Variants in SLC27A6 observed in about 807,000 individuals in gnomAD.
The protein encoded by SLC27A6 is solute carrier family 27 member 6, also known as long-chain fatty acid transport protein 6.
In SLC27A6, 74 loss-of-function variants were observed where a neutral mutation model predicts 63.9. The ratio of observed to expected loss-of-function variants is 1.16; its 90% CI spans 0.96 to 1.40. SLC27A6 has a LOEUF of 1.40. Among genes scored for constraint, SLC27A6 ranks in the 40% most tolerant of loss-of-function variants. The pLI is 0.00. For synonymous variants in SLC27A6, 287 were observed against 260.8 expected, an observed-to-expected ratio of 1.10 and a Z score of -0.97; for missense variants, 794 against 732.9, an observed-to-expected ratio of 1.08 and a Z score of -0.96.
At chr5:129,017,169 C>T (rs532482647) in intron 5 of SLC27A6, among the ~76,000 whole-genome samples, 3 of 152,128 alleles carry the variant, frequency 2.0e-5, no homozygotes, top group East Asian at 1.9e-4. Flanking sequence ...ACTTTTGAAA[C>T]GTTTACAAAA....
intron 8 of SLC27A6, 73 bp downstream of exon 8, chr5:129,028,515 C>A: frequency 2.3e-6 from 2 of 865,222 alleles, no homozygotes; most frequent in Non-Finnish European, 3.7e-6. Context: ...TTGCAACAGT[C>A]TTGCTAATTC....
chr5:129,028,297 T>C, intron 7 of SLC27A6, 48 bp from the exon 8 acceptor site: 1 of 1,292,796 alleles, frequency 7.7e-7, no homozygotes, highest in Non-Finnish European at 1.1e-6. Context: ...GGGTACCTAG[T>C]TTTTCAAATA....
chr5:128,971,156 C>T (rs1280685735), intron 1 of SLC27A6, among the ~76,000 whole-genome samples: 1 of 152,132 alleles, frequency 6.6e-6, no homozygotes, highest in Non-Finnish European at 1.5e-5. Context: ...TTTACATTTG[C>T]TGAGGAGTGC....
At chr5:129,031,431 TGG>T (rs1391959564) in intron 9 of SLC27A6, among the ~76,000 whole-genome samples, 1 of 151,984 alleles carries the variant, frequency 6.6e-6, no homozygotes, top group Non-Finnish European at 1.5e-5. Flanking sequence ...TCAGTGTGGC[TGG>T]GATAAAACGA....
At chr5:128,981,817 C>CTTTTCTTTTCTTTTTT (rs761984176) in intron 1 of SLC27A6, among the ~76,000 whole-genome samples, 1 of 146,392 alleles carries the variant, frequency 6.8e-6, no homozygotes, top group Non-Finnish European at 1.5e-5. Flanking sequence ...CTTTTCTTTT[C>CTTTTCTTTTCTTTTTT]TTTTTTTTTT....
Position 129,027,324 on chromosome 5 carries a change from A to G in SLC27A6, c.1447A>G (p.Thr483Ala), listed in dbSNP as rs749635811. 1.4e-5 allele frequency: 23 copies of G among 1,608,358 alleles called. No homozygotes were observed. The South Asian group carries it at 2.0e-4, about 14-fold the overall frequency. The change falls in exon 7 of 10, where the codon ACT (threonine) becomes GCT (alanine). Residue 483 changes from threonine to alanine, a missense_variant. By Grantham distance (58) the Thr-to-Ala change is moderately conservative. Coordinates refer to ENST00000262462, the MANE Select transcript of SLC27A6 (RefSeq NM_001017372.3). Reference protein sequence around the residue: ...FLYFWDRTGDTFRWKGENVAT... With the variant: ...FLYFWDRTGDAFRWKGENVAT... ...TTATTTTTGGGACCGTACTGGAGAC[A>G]CTTTCAGGTATGAAATGTTATGGGA...
intron 4 of SLC27A6, among the ~76,000 whole-genome samples, chr5:128,998,235 T>G (rs539069717): frequency 6.6e-6 from 1 of 151,844 alleles, no homozygotes; most frequent in Non-Finnish European, 1.5e-5. Flanking sequence ...GAAGCTGCAG[T>G]GAGCTATGAT....
rs955883965 is a variant in SLC27A6, at chr5:129,033,329, A to G, written c.*47A>G. The G allele has an allele frequency of 4.5e-5, 53 of 1,174,862 alleles. No individual in the cohort carries two copies. The highest frequency in any genetic ancestry group is 4.8e-6 in the Non-Finnish European group (4 of 832,632). The allele number at this position is 1,174,862 out of a possible 1,614,324, so 72.8% of individuals were successfully genotyped here. A position where few individuals can be genotyped will look rare whatever the true frequency, so the allele number is the denominator to read the frequency against. On this transcript the variant is annotated 3_prime_UTR_variant, in exon 10 of 10. Transcript: ENST00000262462. ...CATATGCTTTCTTAGGAAGAGTGAG[A>G]GGGGGGTATATGATTCTTTATGAAA... is the stretch of plus-strand genomic sequence containing the variant.
Position 128,973,586 on chromosome 5 carries a change from G to A in SLC27A6, c.481+6968G>A, listed in dbSNP as rs190948403. On this transcript the variant is annotated intron_variant, in intron 1 of 9. Coordinates refer to ENST00000262462, the MANE Select transcript of SLC27A6 (RefSeq NM_001017372.3). ...GTGTGGGACCCACCAAGCCAGGCACGGGATATAGTTTCCTGGTGTGCTGTT... is the reference window on the plus strand; with the variant it reads ...GTGTGGGACCCACCAAGCCAGGCACAGGATATAGTTTCCTGGTGTGCTGTT... Among the ~76,000 whole-genome samples, 173 of 152,310 alleles carry A rather than the reference G, an allele frequency of 1.1e-3. No homozygotes were observed. In the East Asian group the frequency reaches 0.021, roughly 19 times the overall value.
At chr5:129,003,000 G>A (rs1002452983) in intron 4 of SLC27A6, among the ~76,000 whole-genome samples, 1 of 152,096 alleles carries the variant, frequency 6.6e-6, no homozygotes, top group Non-Finnish European at 1.5e-5. Context: ...TTATTTCTAT[G>A]TGCACCCGAG....
chr5:129,027,513 T>C (rs1752284988), intron 7 of SLC27A6, among the ~76,000 whole-genome samples, 182 bp downstream of exon 7: 1 of 152,116 alleles, frequency 6.6e-6, no homozygotes, highest in Non-Finnish European at 1.5e-5. Flanking sequence ...TAAATTTTGA[T>C]GTAAAGTTTT....
chr5:129,030,153 TCC>T, intron 9 of SLC27A6, among the ~76,000 whole-genome samples: 1 of 151,886 alleles, frequency 6.6e-6, no homozygotes, highest in Non-Finnish European at 1.5e-5. Context: ...CTGTCCAAAT[TCC>T]CCCTCACCTG....
At position 129,033,455 on chromosome 5, in the gene SLC27A6, A is replaced by G. The variant is rs902540884; in HGVS notation, c.*173A>G. The G allele has an allele frequency of 5.0e-6, 2 of 400,282 alleles. No individual in the cohort carries two copies. The highest frequency in any genetic ancestry group is 8.9e-5 in the Admixed American group (2 of 22,376). The allele number at this position is 400,282 out of a possible 1,614,324, so 24.8% of individuals were successfully genotyped here. Reference sequence around the variant, plus strand: ...AGAATTTTAATTTCTTTTAATTGATATAAACAGTAGTTGATTATTCTTTTT... The same window carrying G: ...AGAATTTTAATTTCTTTTAATTGATGTAAACAGTAGTTGATTATTCTTTTT... On this transcript the variant is annotated 3_prime_UTR_variant, in exon 10 of 10. Coordinates refer to ENST00000262462, the MANE Select transcript of SLC27A6 (RefSeq NM_001017372.3).
At chr5:129,021,650 G>A (rs565090236) in intron 5 of SLC27A6, among the ~76,000 whole-genome samples, 1 of 152,240 alleles carries the variant, frequency 6.6e-6, no homozygotes, top group Admixed American at 6.5e-5. Context: ...TTAATGTGTG[G>A]CATCTATTTT....
At chr5:128,968,663 G>A (rs894333212) in intron 1 of SLC27A6, among the ~76,000 whole-genome samples, 1 of 151,962 alleles carries the variant, frequency 6.6e-6, no homozygotes. Context: ...CTAGATATTA[G>A]CCATTTGTCA....
In SLC27A6 at chr5:128,966,230, C is replaced by G; in HGVS notation, c.93C>G (p.Phe31Leu). 6.2e-7 allele frequency: 1 copy of G among 1,612,932 alleles called. No homozygotes were observed. The highest frequency in any genetic ancestry group is 2.2e-5 in the East Asian group (1 of 44,882). ...KLLFPYFWDD[F>L]WFVLKVVLII... The stretch of plus-strand genomic sequence containing the variant: ...TGTTCCCTTACTTTTGGGATGACTT[C>G]TGGTTCGTGTTGAAGGTGGTGCTCA... Residue 31 changes from phenylalanine (F) to leucine (L), a missense_variant, in exon 1 of 10, where the codon TTC becomes TTG. Transcript: ENST00000262462.
At chr5:129,024,490 A>G (rs1295235435) in intron 6 of SLC27A6, among the ~76,000 whole-genome samples, 1 of 152,068 alleles carries the variant, frequency 6.6e-6, no homozygotes, top group Non-Finnish European at 1.5e-5. Flanking sequence ...AAGTGAGGTT[A>G]TTGTGGACGA....
intron 1 of SLC27A6, among the ~76,000 whole-genome samples, chr5:128,980,059 C>G (rs1006092712): frequency 6.6e-6 from 1 of 152,128 alleles, no homozygotes; most frequent in Non-Finnish European, 1.5e-5. Context: ...AGCACTTCTC[C>G]CATGTAAGGA....
intron 5 of SLC27A6, among the ~76,000 whole-genome samples, chr5:129,017,449 G>A (rs1252460159): frequency 6.6e-6 from 1 of 152,012 alleles, no homozygotes; most frequent in Non-Finnish European, 1.5e-5. Flanking sequence ...CTGAAAATTG[G>A]ATGGAGCTCA....
Sources: gnomAD v4.1 joint callset for allele counts (sites outside exome capture counted in the v4.1 genomes callset) on GRCh38, gnomAD v4.1.1 for gene constraint, MANE v1.5 for transcripts, NCBI Gene and HGNC (gene_info 2026-07-23, HGNC 2026-07-21) for gene names.